ZCCHC14: variants seen among roughly 807,000 people sequenced by gnomAD.
ZCCHC14 encodes the protein zinc finger CCHC-type containing 14, also known as zinc finger CCHC domain-containing protein 14.
Under a neutral mutation model 85.0 loss-of-function variants are expected in ZCCHC14, and 16 were observed. The ratio of observed to expected loss-of-function variants is 0.19; its 90% CI spans 0.13 to 0.29. The LOEUF (loss-of-function observed/expected upper bound fraction) is 0.29, where lower values mean the gene tolerates loss of function less well. Ranked by LOEUF, ZCCHC14 falls within the 10% of genes least tolerant of loss-of-function variation. The pLI, the probability that ZCCHC14 is intolerant of heterozygous loss-of-function variation, is 1.00. For synonymous variants in ZCCHC14, 775 were observed against 630.7 expected (o/e 1.23, Z -3.43); for missense variants, 1,303 against 1,443.5 (o/e 0.90, Z 1.58).
chr16:87,482,841 T>A (rs1302557080), intron 1 of ZCCHC14, among the ~76,000 whole-genome samples: 1 of 152,082 alleles, frequency 6.6e-6, no homozygotes, highest in African/African-American at 2.4e-5. Context: ...TGGATCCGTT[T>A]GATATAAAAA....
Position 87,492,864 on chromosome 16 carries a change from C to T in ZCCHC14, c.-626G>A, listed in dbSNP as rs1388395281. On this transcript the variant is annotated 5_prime_UTR_variant, in exon 1 of 13. Coordinates refer to ENST00000671377, the MANE Select transcript of ZCCHC14 (RefSeq NM_015144.3). This position sits in a 1 kb window ranked among gnomAD's most constrained non-coding sequence, Gnocchi z 6.7. The stretch of plus-strand genomic sequence containing the variant: ...CGCGGAGGGATCCGGCCGGGACTTG[C>T]CGGCCTTGCTGCTCCCGCGCGGCGG... 1.3e-5 allele frequency among the ~76,000 whole-genome samples: 2 copies of T among 148,254 alleles called. No individual in the cohort carries two copies. The highest frequency in any genetic ancestry group is 3.9e-4 in the East Asian group (2 of 5,070).
At chr16:87,417,920 C>A in intron 7 of ZCCHC14, 178 bp from the exon 8 acceptor site, 1 of 683,590 alleles carries the variant, frequency 1.5e-6, no homozygotes, top group East Asian at 2.7e-5. Context: ...CCCTCCCCAA[C>A]CACCTTTCTG....
chr16:87,462,121 A>AT (rs1269348528), intron 1 of ZCCHC14, among the ~76,000 whole-genome samples: 1 of 8,986 alleles, frequency 1.1e-4, no homozygotes, highest in East Asian at 1.0e-3. Flanking sequence ...CTAAAAAAGT[A>AT]AAAAAAAAAA....
At chr16:87,455,275 T>G (rs1408316311) in intron 2 of ZCCHC14, among the ~76,000 whole-genome samples, 3 of 149,100 alleles carry the variant, frequency 2.0e-5, no homozygotes, top group Non-Finnish European at 4.5e-5. Context: ...GCAACAAGAG[T>G]GAAACTCCGT....
At chr16:87,462,575 C>A (rs1911316444) in intron 1 of ZCCHC14, among the ~76,000 whole-genome samples, 1 of 151,496 alleles carries the variant, frequency 6.6e-6, no homozygotes, top group Non-Finnish European at 1.5e-5. Flanking sequence ...CCCGTCTCTA[C>A]TAAAAATACA....
intron 1 of ZCCHC14, among the ~76,000 whole-genome samples, chr16:87,478,002 C>T (rs1343951273): frequency 6.6e-6 from 1 of 152,228 alleles, no homozygotes; most frequent in Non-Finnish European, 1.5e-5. Context: ...CCTAGAACCA[C>T]TGATACGCCC....
Position 87,412,371 on chromosome 16 carries a change from C to T in ZCCHC14, c.2350G>A (p.Ala784Thr), listed in dbSNP as rs143691635. Residue 784 changes from alanine (A) to threonine (T), a missense_variant, in exon 12 of 13, where the codon GCT becomes ACT. This residue lies in a region of ZCCHC14 where 797 missense variants were observed against 730.8 expected (regional missense o/e 1.09). Coordinates refer to ENST00000671377, the MANE Select transcript of ZCCHC14 (RefSeq NM_015144.3). Reference protein sequence around the residue: ...IKLLLSSSVPADSAISGQTSC... With the variant: ...IKLLLSSSVPTDSAISGQTSC... ...GTTTGCCCAGAAATGGCAGAATCAGCAGGAACAGATGACGACAGCAGCAGT... is the reference window on the plus strand; with the variant it reads ...GTTTGCCCAGAAATGGCAGAATCAGTAGGAACAGATGACGACAGCAGCAGT... 98 of 1,614,202 alleles carry T rather than the reference C, an allele frequency of 6.1e-5. No individual in the cohort carries two copies. In the African/African-American group the frequency reaches 1.1e-3, roughly 18 times the overall value.
chr16:87,464,796 T>C (rs1911443403), intron 1 of ZCCHC14, among the ~76,000 whole-genome samples: 2 of 152,208 alleles, frequency 1.3e-5, no homozygotes, highest in Admixed American at 1.3e-4. Context: ...AAATGCTGTT[T>C]TGGGGTTATT....
chr16:87,443,468 G>C (rs748240988), intron 2 of ZCCHC14, among the ~76,000 whole-genome samples: 1 of 152,214 alleles, frequency 6.6e-6, no homozygotes, highest in Non-Finnish European at 1.5e-5. Flanking sequence ...AGGCATGGGG[G>C]CTCACACCTG....
rs1478337944 is a variant in ZCCHC14, at chr16:87,414,514, G to A, written c.1503C>T (p.Asn501=). Residue 501 remains asparagine (N), a synonymous_variant, in exon 10 of 13, where the codon AAC becomes AAT. Coordinates refer to ENST00000671377, the MANE Select transcript of ZCCHC14 (RefSeq NM_015144.3). ...TGGTGACCAGCGGCGGGGCCGAGGG[G>A]TTCAGGCACCGTCTCTCTGACTTCT... ...EKEKSERRCL[N]PSAPPLVTSS... 3.1e-6 allele frequency: 5 copies of A among 1,612,424 alleles called. No individual in the cohort carries two copies. The highest frequency in any genetic ancestry group is 1.3e-5 in the African/African-American group (1 of 74,922).
At chr16:87,461,746 A>T (rs2150760515) in intron 1 of ZCCHC14, among the ~76,000 whole-genome samples, 1 of 152,342 alleles carries the variant, frequency 6.6e-6, no homozygotes, top group East Asian at 1.9e-4. Context: ...CCACTCCGGC[A>T]GGACCAGCAC....
At position 87,409,432 on chromosome 16, in the gene ZCCHC14, A is replaced by G. The variant is rs1908338676; in HGVS notation, c.*848T>C. ...CTCGAGAGGTCATTTGTAGTGGAAG[A>G]TAGGGCTCAAAGCCACTGACTGGCT... On this transcript the variant is annotated 3_prime_UTR_variant, in exon 13 of 13. Coordinates refer to ENST00000671377, the MANE Select transcript of ZCCHC14 (RefSeq NM_015144.3). The G allele has an allele frequency of 6.6e-6, 1 of 152,256 alleles. No individual in the cohort carries two copies. The allele number at this position is 152,256 out of a possible 1,614,324, so 9.4% of individuals were successfully genotyped here.
intron 7 of ZCCHC14, among the ~76,000 whole-genome samples, chr16:87,418,484 C>A (rs545446346): frequency 6.6e-6 from 1 of 152,288 alleles, no homozygotes; most frequent in Non-Finnish European, 1.5e-5. Flanking sequence ...TCTGTGTTGC[C>A]GGCATACGAC....
At chr16:87,431,144 G>A (rs1282369797) in intron 3 of ZCCHC14, among the ~76,000 whole-genome samples, 2 of 148,010 alleles carry the variant, frequency 1.4e-5, no homozygotes, top group African/African-American at 5.0e-5. Flanking sequence ...TCAAAAAAAA[G>A]AAAGAAAAAA....
At chr16:87,473,382 T>A (rs1911863579) in intron 1 of ZCCHC14, 1 of 152,192 alleles carries the variant, frequency 6.6e-6, no homozygotes. Flanking sequence ...TTTGTATTAT[T>A]ACCAGAGACA....
At chr16:87,458,283 G>A (rs73240892) in intron 2 of ZCCHC14, among the ~76,000 whole-genome samples, 3,002 of 152,252 alleles carry the variant, frequency 0.02, 112 homozygotes, top group African/African-American at 0.069. Flanking sequence ...GGAAGGAAGA[G>A]GAGGAGCCCT....
chr16:87,449,361 G>A (rs1216719980), intron 2 of ZCCHC14, among the ~76,000 whole-genome samples: 1 of 152,148 alleles, frequency 6.6e-6, no homozygotes, highest in Non-Finnish European at 1.5e-5. Context: ...ATAGATGCAG[G>A]GAAGAGAGGG....
rs1004746767 is a variant in ZCCHC14 at position 87,407,193 on chromosome 16, CTG to C, written c.*3085_*3086del. On this transcript the variant is annotated 3_prime_UTR_variant, in exon 13 of 13. Coordinates refer to ENST00000671377, the MANE Select transcript of ZCCHC14 (RefSeq NM_015144.3). ...AGACAGAGTCTGTGGTATAAACTAA[CTG>C]TGCTGACTTTGGGCAATAAAGGACC... 1.3e-5 allele frequency: 2 copies of C among 152,214 alleles called. No homozygotes were observed. Among genetic ancestry groups the C allele is most frequent in the East Asian group, 1.9e-4 (1 of 5,206 alleles). The allele number at this position is 152,214 out of a possible 1,614,324, so 9.4% of individuals were successfully genotyped here.
intron 1 of ZCCHC14, among the ~76,000 whole-genome samples, chr16:87,462,461 C>A (rs1911309084): frequency 6.6e-6 from 1 of 152,240 alleles, no homozygotes; most frequent in Admixed American, 6.5e-5. Flanking sequence ...ACAGCCAAGG[C>A]CGGGTGCAGT....
Sources: allele counts gnomAD v4.1 joint callset (sites outside exome capture counted in the v4.1 genomes callset), GRCh38; gene constraint gnomAD v4.1.1; regional missense constraint gnomAD v4.1.1; non-coding constraint Gnocchi (gnomAD v3.1); transcripts MANE v1.5; gene names NCBI Gene and HGNC (gene_info 2026-07-23, HGNC 2026-07-21).